VPS53: variants seen among roughly 807,000 people sequenced by gnomAD.
The protein encoded by VPS53 is VPS53 subunit of GARP complex, also known as vacuolar protein sorting-associated protein 53 homolog.
Under a neutral mutation model 107.0 loss-of-function variants are expected in VPS53, and 70 were observed. The observed-to-expected ratio is 0.65, with a 90% CI of 0.54 to 0.80. The LOEUF (loss-of-function observed/expected upper bound fraction) is 0.80. Among genes scored for constraint, VPS53 ranks in the 30% least tolerant of loss-of-function variants. The pLI is 0.00. For synonymous variants in VPS53, 409 were observed against 393.3 expected (o/e 1.04, Z -0.47); for missense variants, 917 against 1,049.4 (o/e 0.87, Z 1.74).
intron 11 of VPS53, chr17:616,307 TAGAG>T (rs1367315687): frequency 6.6e-6 from 1 of 152,038 alleles, no homozygotes; most frequent in African/African-American, 2.4e-5. Flanking sequence ...GCTGACTAAA[TAGAG>T]AGGGAAAGAA....
At chr17:593,050 A>C (rs1232601361) in intron 12 of VPS53, among the ~76,000 whole-genome samples, 5 of 152,162 alleles carry the variant, frequency 3.3e-5, no homozygotes, top group Admixed American at 6.5e-5. Context: ...GAAAAACAAG[A>C]AATGGGGAAA....
chr17:701,320 C>CA (rs151166510), intron 2 of VPS53, among the ~76,000 whole-genome samples: 15,898 of 148,654 alleles, frequency 0.11, 869 homozygotes, highest in East Asian at 0.21. Flanking sequence ...AGCCCTGTCT[C>CA]AAAAAAAAAG....
chr17:622,171 C>A (rs1406924964), intron 11 of VPS53, among the ~76,000 whole-genome samples: 3 of 151,884 alleles, frequency 2.0e-5, no homozygotes, highest in African/African-American at 7.3e-5. Context: ...GATATCGCCC[C>A]ACTGCACTCC....
chr17:658,653 G>A (rs435104), intron 5 of VPS53, among the ~76,000 whole-genome samples: 3 of 113,644 alleles, frequency 2.6e-5, no homozygotes, highest in South Asian at 6.2e-4. Context: ...ATACTCGGCC[G>A]TGAGTTCGTG....
chr17:542,482 G>A lies in VPS53; in HGVS notation c.1867-5306C>T, dbSNP rs149875533. Among the ~76,000 whole-genome samples the A allele has an allele frequency of 7.2e-3, 1,091 of 152,210 alleles. 20 individuals are homozygous for A. Among genetic ancestry groups the A allele is most frequent in the Admixed American group, 0.044 (672 of 15,282 alleles). On this transcript the variant is annotated intron_variant, in intron 17 of 21. Coordinates refer to ENST00000437048, the MANE Select transcript of VPS53 (RefSeq NM_001128159.3). Reference sequence around the variant, plus strand: ...ATGGTAACATCTATAATCTATTACTGAAAGATAACGCATGGAATGCTCTTA... The same window carrying A: ...ATGGTAACATCTATAATCTATTACTAAAAGATAACGCATGGAATGCTCTTA...
intron 18 of VPS53, among the ~76,000 whole-genome samples, chr17:534,182 C>T (rs1052127424): frequency 6.6e-6 from 1 of 152,154 alleles, no homozygotes; most frequent in Non-Finnish European, 1.5e-5. Flanking sequence ...AGCACTTTAC[C>T]AGGAAGTTAA....
intron 5 of VPS53, 47 bp from the exon 6 acceptor site, chr17:656,000 G>T (rs375162080): frequency 4.0e-5 from 61 of 1,514,078 alleles, no homozygotes; most frequent in Non-Finnish European, 5.4e-5. Flanking sequence ...GGTCAAGAAA[G>T]ATGTAAAACA....
In VPS53 at chr17:519,936, G is replaced by A. The variant is rs1387297908; in HGVS notation, c.2224-6C>T. ...TCATGAGGGGCCATCACTACCTACA[G>A]CGGGAGGAGACAGGAGCAAGCCCCT... On this transcript the variant is annotated splice_region_variant and splice_polypyrimidine_tract_variant and intron_variant, in intron 20 of 21. Coordinates refer to ENST00000437048, the MANE Select transcript of VPS53 (RefSeq NM_001128159.3). This position sits in a 1 kb window ranked among gnomAD's most constrained non-coding sequence, Gnocchi z 5.0. The A allele has an allele frequency of 1.3e-6, 2 of 1,548,630 alleles. No homozygotes were observed. The highest frequency in any genetic ancestry group is 8.7e-7 in the Non-Finnish European group (1 of 1,144,260).
chr17:527,232 G>A (rs1306401652), intron 19 of VPS53, among the ~76,000 whole-genome samples: 1 of 152,072 alleles, frequency 6.6e-6, no homozygotes, highest in Non-Finnish European at 1.5e-5. Flanking sequence ...CTCTCCTGCT[G>A]TCTCTCACTG....
chr17:587,851 T>G (rs1360098592), intron 12 of VPS53, among the ~76,000 whole-genome samples: 2 of 152,148 alleles, frequency 1.3e-5, no homozygotes, highest in Non-Finnish European at 2.9e-5. Context: ...AAAACCCACT[T>G]TATTGAGGTA....
chr17:622,987 C>T (rs567666792), intron 11 of VPS53, among the ~76,000 whole-genome samples: 2 of 152,036 alleles, frequency 1.3e-5, no homozygotes, highest in Non-Finnish European at 2.9e-5. Context: ...CTGCATCAGA[C>T]CAAAAAGAAG....
At chr17:690,539 C>G (rs965316412) in intron 4 of VPS53, among the ~76,000 whole-genome samples, 2 of 152,232 alleles carry the variant, frequency 1.3e-5, no homozygotes, top group Non-Finnish European at 2.9e-5. Context: ...CCCTTAGGAC[C>G]TGGTGGATGC....
Position 538,750 on chromosome 17 carries a change from C to T in VPS53, c.1867-1574G>A, listed in dbSNP as rs186797738. The T allele has an allele frequency of 4.6e-5, 7 of 152,216 alleles. No individual in the cohort carries two copies. In the East Asian group the frequency reaches 1.3e-3, roughly 29 times the overall value. The allele number at this position is 152,216 out of a possible 1,614,324, so 9.4% of individuals were successfully genotyped here. ...TCTTATGCAAGGTTTCATAACCAGG[C>T]TCCACACAGGAAAAAGAACTCTAAT... On this transcript the variant is annotated intron_variant, in intron 17 of 21. Transcript: ENST00000437048.
chr17:669,818 G>A (rs1050374896), intron 4 of VPS53, among the ~76,000 whole-genome samples: 3 of 151,698 alleles, frequency 2.0e-5, no homozygotes, highest in African/African-American at 7.3e-5. Flanking sequence ...CTTGAACCAG[G>A]GAGTCGGAGG....
At chr17:698,054 A>T (rs1973049131) in intron 3 of VPS53, among the ~76,000 whole-genome samples, 1 of 152,240 alleles carries the variant, frequency 6.6e-6, no homozygotes. Context: ...ACCAAGGGAT[A>T]CACATATAAG....
At chr17:657,893 C>T (rs970031304) in intron 5 of VPS53, among the ~76,000 whole-genome samples, 1 of 151,562 alleles carries the variant, frequency 6.6e-6, no homozygotes, top group Non-Finnish European at 1.5e-5. Flanking sequence ...TAGATACATC[C>T]CACTAAAGTG....
intron 13 of VPS53, among the ~76,000 whole-genome samples, chr17:570,372 CAAAAAAAAAAAAA>C (rs57449097): frequency 1.1e-5 from 1 of 90,438 alleles, no homozygotes; most frequent in Non-Finnish European, 2.0e-5. Context: ...GACTCTGTCT[CAAAAAAAAAAAAA>C]AAAAAAAAAA....
intron 19 of VPS53, among the ~76,000 whole-genome samples, chr17:526,981 G>A (rs1909167889): frequency 6.6e-6 from 1 of 152,220 alleles, no homozygotes; most frequent in South Asian, 2.1e-4. Flanking sequence ...GTGGCACAGG[G>A]GAGACAGCTC....
chr17:693,430 G>A (rs910414093), intron 4 of VPS53, among the ~76,000 whole-genome samples: 1 of 152,102 alleles, frequency 6.6e-6, no homozygotes, highest in African/African-American at 2.4e-5. Flanking sequence ...ACAGGTAAGT[G>A]GGGACGACTT....
Sources: allele counts gnomAD v4.1 joint callset (sites outside exome capture counted in the v4.1 genomes callset), GRCh38; gene constraint gnomAD v4.1.1; non-coding constraint Gnocchi (gnomAD v3.1); transcripts MANE v1.5; gene names NCBI Gene and HGNC (gene_info 2026-07-23, HGNC 2026-07-21).